The following ZNF438 variants were observed in gnomAD, a reference collection of about 807,000 sequenced individuals.
ZNF438 encodes zinc finger protein 438.
Under a neutral mutation model 38.0 loss-of-function variants are expected in ZNF438, and 25 were observed. The ratio of observed to expected loss-of-function variants is 0.66; its 90% CI spans 0.48 to 0.92. The LOEUF (loss-of-function observed/expected upper bound fraction) is 0.92. Among genes scored for constraint, ZNF438 ranks in the 40% least tolerant of loss-of-function variants. The pLI, the probability that ZNF438 is intolerant of heterozygous loss-of-function variation, is 0.00. For missense variants in ZNF438, 1,007 were observed against 999.6 expected, an observed-to-expected ratio of 1.01 and a Z score of -0.10; for synonymous variants, 372 against 364.1, an observed-to-expected ratio of 1.02 and a Z score of -0.25.
intron 4 of ZNF438, among the ~76,000 whole-genome samples, chr10:30,867,953 T>C (rs1456284602): frequency 2.6e-5 from 4 of 152,336 alleles, no homozygotes; most frequent in East Asian, 1.9e-4. Flanking sequence ...TTTATATTTA[T>C]GGAGTATAAG....
intron 1 of ZNF438, among the ~76,000 whole-genome samples, chr10:31,021,575 CTT>C (rs2056597763): frequency 6.6e-6 from 1 of 151,926 alleles, no homozygotes; most frequent in African/African-American, 2.4e-5. Context: ...ACATTTCTCA[CTT>C]TGTTTTTTTT....
intron 3 of ZNF438, among the ~76,000 whole-genome samples, chr10:30,883,411 T>C (rs1433653602): frequency 1.3e-5 from 2 of 152,198 alleles, no homozygotes; most frequent in Non-Finnish European, 2.9e-5. Flanking sequence ...ATCATCATTA[T>C]CATCATCCTC....
intron 1 of ZNF438, among the ~76,000 whole-genome samples, chr10:30,959,964 C>A (rs2049290186): frequency 1.4e-5 from 2 of 147,074 alleles, no homozygotes; most frequent in Admixed American, 6.8e-5. Context: ...TTTATTACAG[C>A]CATCCTAGGG....
chr10:31,015,741 C>T (rs895435416), intron 1 of ZNF438, among the ~76,000 whole-genome samples: 2 of 152,224 alleles, frequency 1.3e-5, no homozygotes, highest in South Asian at 4.1e-4. Context: ...TAATGACATA[C>T]CATGACTGGG....
intron 3 of ZNF438, among the ~76,000 whole-genome samples, chr10:30,886,633 A>G (rs2039986504): frequency 6.6e-6 from 1 of 152,208 alleles, no homozygotes. Context: ...AGTGTTGAAT[A>G]TCTCATGTAA....
chr10:30,927,255 C>T (rs1458362608), intron 2 of ZNF438, among the ~76,000 whole-genome samples: 1 of 151,668 alleles, frequency 6.6e-6, no homozygotes, highest in East Asian at 1.9e-4. Context: ...ACAAGTGATA[C>T]CTATAAGCCT....
intron 1 of ZNF438, among the ~76,000 whole-genome samples, chr10:31,007,636 C>T (rs2055285302): frequency 6.6e-6 from 1 of 152,126 alleles, no homozygotes; most frequent in African/African-American, 2.4e-5. Context: ...CAATACAAAA[C>T]TAATACACAG....
intron 1 of ZNF438, among the ~76,000 whole-genome samples, chr10:30,979,989 C>T (rs894172500): frequency 6.6e-6 from 1 of 152,136 alleles, no homozygotes; most frequent in Non-Finnish European, 1.5e-5. Flanking sequence ...CTAAATCTAC[C>T]TCCACTGGTA....
chr10:30,951,461 A>C (rs1301235924), intron 1 of ZNF438, among the ~76,000 whole-genome samples: 31 of 152,106 alleles, frequency 2.0e-4, no homozygotes, highest in African/African-American at 6.5e-4. Context: ...GTCAAATTGT[A>C]CCTGTTTGCA....
intron 1 of ZNF438, among the ~76,000 whole-genome samples, chr10:31,021,911 A>T (rs185640342): frequency 0.085 from 12,846 of 151,068 alleles, 632 homozygotes; most frequent in Non-Finnish European, 0.11. Context: ...CAGCTAAGTG[A>T]GAAGCTGCCA....
At chr10:30,944,096 G>A (rs1304996604) in intron 1 of ZNF438, among the ~76,000 whole-genome samples, 1 of 152,122 alleles carries the variant, frequency 6.6e-6, no homozygotes, top group Non-Finnish European at 1.5e-5. Flanking sequence ...GAGAGCATAA[G>A]AGTAGGGCGT....
At chr10:30,872,323 G>A (rs1409460471) in intron 4 of ZNF438, among the ~76,000 whole-genome samples, 1 of 151,194 alleles carries the variant, frequency 6.6e-6, no homozygotes. Context: ...CTATTCGGGA[G>A]GCTGAGGCAG....
intron 1 of ZNF438, among the ~76,000 whole-genome samples, chr10:30,945,115 T>A (rs1014372007): frequency 6.6e-6 from 1 of 151,936 alleles, no homozygotes; most frequent in Non-Finnish European, 1.5e-5. Flanking sequence ...GAAAGAGAAG[T>A]GTTGAGAAAA....
intron 2 of ZNF438, among the ~76,000 whole-genome samples, chr10:30,927,750 TATTA>T (rs2045130059): frequency 6.6e-6 from 1 of 152,232 alleles, no homozygotes; most frequent in African/African-American, 2.4e-5. Context: ...CAACCTTCAC[TATTA>T]ATTGTGTGAT....
intron 4 of ZNF438, chr10:30,875,329 A>ACC: frequency 1.0e-6 from 1 of 985,344 alleles, no homozygotes; most frequent in Non-Finnish European, 1.2e-6. Context: ...ACATAGACTC[A>ACC]CCTTTTTAGA....
intron 1 of ZNF438, among the ~76,000 whole-genome samples, chr10:30,973,905 A>T (rs1247155804): frequency 6.6e-6 from 1 of 152,220 alleles, no homozygotes; most frequent in Non-Finnish European, 1.5e-5. Context: ...GCGTGTGACC[A>T]TGCCCAGCTC....
chr10:30,878,554 C>T (rs951099569), intron 3 of ZNF438, among the ~76,000 whole-genome samples: 1 of 152,154 alleles, frequency 6.6e-6, no homozygotes, highest in African/African-American at 2.4e-5. Flanking sequence ...GGGCTTGGGA[C>T]CCACTGGATG....
intron 4 of ZNF438, among the ~76,000 whole-genome samples, chr10:30,865,943 A>G (rs973616218): frequency 6.6e-6 from 1 of 152,176 alleles, no homozygotes. Context: ...TACTCTTTTC[A>G]TACTCATATC....
chr10:30,954,098 G>A (rs998487178), intron 1 of ZNF438, among the ~76,000 whole-genome samples: 3 of 152,012 alleles, frequency 2.0e-5, no homozygotes, highest in Admixed American at 2.0e-4. Flanking sequence ...AGCCAAGATC[G>A]CACCACTGCA....
Sources: allele counts gnomAD v4.1 joint callset (sites outside exome capture counted in the v4.1 genomes callset), GRCh38; gene constraint gnomAD v4.1.1; transcripts MANE v1.5; gene names NCBI Gene and HGNC (gene_info 2026-07-23, HGNC 2026-07-21).